PTDSS2: variants seen among roughly 807,000 people sequenced by gnomAD.
The protein encoded by PTDSS2 is PSS-2.
PTDSS2 carries 41 observed loss-of-function variants against 64.7 expected under a neutral mutation model. The ratio of observed to expected loss-of-function variants is 0.63; its 90% CI spans 0.49 to 0.82. The LOEUF is 0.82. Ranked by LOEUF, PTDSS2 falls within the 40% of genes least tolerant of loss-of-function variation. The pLI is 0.00. For missense variants in PTDSS2, 485 were observed against 650.0 expected (o/e 0.75, Z 2.76); for synonymous variants, 297 against 277.8 (o/e 1.07, Z -0.69).
chr11:450,357 C>A lies in PTDSS2; in HGVS notation c.-99C>A. 5.4e-6 allele frequency: 6 copies of A among 1,107,104 alleles called. No individual in the cohort carries two copies. Among genetic ancestry groups the A allele is most frequent in the Non-Finnish European group, 6.8e-6 (6 of 879,638 alleles). 68.6% of individuals were successfully genotyped at this position (1,107,104 alleles called of 1,614,324 possible). ...CCGCGGGCCAGCGCCGCGACCCCTTCCCAGCGCTCCTCGCGCTGTGTGCGG... is the reference window on the plus strand; with the variant it reads ...CCGCGGGCCAGCGCCGCGACCCCTTACCAGCGCTCCTCGCGCTGTGTGCGG... On this transcript the variant is annotated 5_prime_UTR_variant, in exon 1 of 12. Coordinates refer to ENST00000308020, the MANE Select transcript of PTDSS2 (RefSeq NM_030783.3).
chr11:490,130 G>A, intron 11 of PTDSS2, 62 bp downstream of exon 11: 1 of 1,503,864 alleles, frequency 6.6e-7, no homozygotes, highest in African/African-American at 1.4e-5. Context: ...CCTTGGCACA[G>A]GCACTGTGGG....
chr11:464,154 T>C (rs1463550422), intron 2 of PTDSS2, among the ~76,000 whole-genome samples: 1 of 151,994 alleles, frequency 6.6e-6, no homozygotes, highest in Admixed American at 6.6e-5. Flanking sequence ...CACTAATTTT[T>C]TTATATTTTG....
chr11:451,039 C>G (rs1846301038), intron 1 of PTDSS2, among the ~76,000 whole-genome samples: 1 of 152,200 alleles, frequency 6.6e-6, no homozygotes, highest in African/African-American at 2.4e-5. Flanking sequence ...ACCTGTGTCC[C>G]CCGTCATTCT....
intron 2 of PTDSS2, among the ~76,000 whole-genome samples, chr11:471,388 C>T (rs1847421749): frequency 6.6e-6 from 1 of 152,236 alleles, no homozygotes; most frequent in Non-Finnish European, 1.5e-5. Flanking sequence ...AACCACTGTG[C>T]CCGGCAAGTA....
intron 4 of PTDSS2, among the ~76,000 whole-genome samples, chr11:481,083 C>CAA (rs749112324): frequency 5.5e-5 from 6 of 109,372 alleles, no homozygotes; most frequent in East Asian, 5.9e-4. Flanking sequence ...GACTCCGCCT[C>CAA]AAAAAAAAAA....
At position 458,213 on chromosome 11, in the gene PTDSS2, T is replaced by TC. The variant is rs1316288638; in HGVS notation, c.183-1974_183-1973insC. Among the ~76,000 whole-genome samples, 2 of 151,846 alleles carry TC rather than the reference T, an allele frequency of 1.3e-5. 1 individual carries two copies. The highest frequency in any genetic ancestry group is 3.8e-4 in the East Asian group (2 of 5,206). ...CTGGATAAAAAGTATTTTTTTTCTT[T>TC]TTTTTTTTTGAGATTGAGTCTCGCT... On this transcript the variant is annotated intron_variant, in intron 1 of 11. Coordinates refer to ENST00000308020, the MANE Select transcript of PTDSS2 (RefSeq NM_030783.3).
Position 479,331 on chromosome 11 carries a change from T to C in PTDSS2, c.435+179T>C, listed in dbSNP as rs117574342. 1,221 of 655,016 alleles carry C rather than the reference T, an allele frequency of 1.9e-3. 27 individuals are homozygous for C. The East Asian group carries it at 0.024, about 13-fold the overall frequency. The allele number at this position is 655,016 out of a possible 1,614,324, so 40.6% of individuals were successfully genotyped here. ...CAGGAGCATCTGTGCGGCCCTTGAG[T>C]GATGGGGGGCAGCAAAGCTAGACCT... On this transcript the variant is annotated intron_variant, in intron 4 of 11. Coordinates refer to ENST00000308020, the MANE Select transcript of PTDSS2 (RefSeq NM_030783.3). The surrounding 1 kb of genome is among the most constrained non-coding windows in gnomAD (Gnocchi z 4.2).
chr11:449,842 G>C (rs1483079154), upstream of PTDSS2, among the ~76,000 whole-genome samples: 1 of 152,214 alleles, frequency 6.6e-6, no homozygotes, highest in East Asian at 1.9e-4. Flanking sequence ...AGCTACTCGG[G>C]AAGCTTGAGA....
chr11:463,995 C>CA (rs1847028025), intron 2 of PTDSS2: 1 of 143,064 alleles, frequency 7.0e-6, no homozygotes, highest in Non-Finnish European at 1.5e-5. Flanking sequence ...TTTTTTTTTT[C>CA]TTTTTTTGGA....
At chr11:467,437 T>C (rs1338276216) in intron 2 of PTDSS2, among the ~76,000 whole-genome samples, 1 of 152,200 alleles carries the variant, frequency 6.6e-6, no homozygotes, top group Non-Finnish European at 1.5e-5. Flanking sequence ...GAAGACAGTT[T>C]CACAGACTCT....
At chr11:474,397 G>A (rs1847623903) in intron 3 of PTDSS2, among the ~76,000 whole-genome samples, 1 of 146,930 alleles carries the variant, frequency 6.8e-6, no homozygotes. Flanking sequence ...GCGGGGGTGG[G>A]TGAGGGCGCC....
chr11:465,227 G>A (rs1847089394), intron 2 of PTDSS2, among the ~76,000 whole-genome samples: 1 of 152,232 alleles, frequency 6.6e-6, no homozygotes, highest in South Asian at 2.1e-4. Context: ...GTCTTGCTCT[G>A]TCACCCACAC....
At chr11:468,215 G>A (rs1378569570) in intron 2 of PTDSS2, among the ~76,000 whole-genome samples, 3 of 152,232 alleles carry the variant, frequency 2.0e-5, no homozygotes, top group African/African-American at 7.2e-5. Flanking sequence ...TAAGTGAGAG[G>A]AGCCAGTTGA....
chr11:490,573 T>C lies in PTDSS2; in HGVS notation c.1455T>C (p.Thr485=), dbSNP rs1417397918. 6.3e-7 allele frequency: 1 copy of C among 1,596,290 alleles called. No individual in the cohort carries two copies. The highest frequency in any genetic ancestry group is 8.5e-7 in the Non-Finnish European group (1 of 1,172,258). The part of the protein sequence containing the change: ...PGVAEGEGAP[T]PN Reference sequence around the variant, plus strand: ...TGGCCGAGGGCGAGGGAGCACCAACTCCAAACTGACCTGGGCCGTGGCTGC... The same window carrying C: ...TGGCCGAGGGCGAGGGAGCACCAACCCCAAACTGACCTGGGCCGTGGCTGC... Residue 485 remains threonine, a synonymous_variant, in exon 12 of 12, where the codon ACT becomes ACC. Coordinates refer to ENST00000308020, the MANE Select transcript of PTDSS2 (RefSeq NM_030783.3).
At chr11:452,243 C>T (rs1267467546) in intron 1 of PTDSS2, among the ~76,000 whole-genome samples, 1 of 152,266 alleles carries the variant, frequency 6.6e-6, no homozygotes, top group Non-Finnish European at 1.5e-5. Context: ...GTGGGGACCC[C>T]TACTGCCTGT....
intron 2 of PTDSS2, chr11:463,061 G>GGA (rs1191700205): frequency 6.6e-6 from 1 of 151,638 alleles, no homozygotes; most frequent in African/African-American, 2.4e-5. Context: ...CAGCTACTCG[G>GGA]GAGGCTGAGG....
rs1846946543 is a variant in PTDSS2, at chr11:462,705, G to GCAGC, written c.284+2420_284+2423dup. On this transcript the variant is annotated intron_variant, in intron 2 of 11. Transcript: ENST00000308020. The surrounding 1 kb of genome is among the most constrained non-coding windows in gnomAD (Gnocchi z 4.5). ...TGCACACCAGAAGCCCAGCTCCTGG[G>GCAGC]CAGCCACCCTACCTGCCCCTACGCA... is the stretch of plus-strand genomic sequence containing the variant. 1.3e-5 allele frequency among the ~76,000 whole-genome samples: 2 copies of GCAGC among 152,192 alleles called. No homozygotes were observed. Among genetic ancestry groups the GCAGC allele is most frequent in the Non-Finnish European group, 2.9e-5 (2 of 68,012 alleles).
In PTDSS2 at chr11:460,160, C is replaced by G; in HGVS notation, c.183-27C>G. 2 of 1,586,534 alleles carry G rather than the reference C, an allele frequency of 1.3e-6. No individual in the cohort carries two copies. Among genetic ancestry groups the G allele is most frequent in the Non-Finnish European group, 1.7e-6 (2 of 1,154,912 alleles). On this transcript the variant is annotated intron_variant, in intron 1 of 11. Coordinates refer to ENST00000308020, the MANE Select transcript of PTDSS2 (RefSeq NM_030783.3). This position sits in a 1 kb window ranked among gnomAD's most constrained non-coding sequence, Gnocchi z 5.8. ...TAGCAATGCTGCCCAAGCTCTGACA[C>G]CATGCTTATGCGTTTTTGGATTTCA...
rs181139844 is a variant in PTDSS2 at position 467,703 on chromosome 11, A to T, written c.285-6192A>T. ...AGCCGAGATCGCAACATTGCACTCCAGCCCGGGCAACAGTGCGAGACTCTG... is the reference window on the plus strand; with the variant it reads ...AGCCGAGATCGCAACATTGCACTCCTGCCCGGGCAACAGTGCGAGACTCTG... On this transcript the variant is annotated intron_variant, in intron 2 of 11. Coordinates refer to ENST00000308020, the MANE Select transcript of PTDSS2 (RefSeq NM_030783.3). Among the ~76,000 whole-genome samples the T allele has an allele frequency of 5.9e-5, 9 of 152,320 alleles. No homozygotes were observed. In the East Asian group the frequency reaches 1.7e-3, roughly 29 times the overall value.
Sources: allele counts gnomAD v4.1 joint callset (sites outside exome capture counted in the v4.1 genomes callset), GRCh38; gene constraint gnomAD v4.1.1; non-coding constraint Gnocchi (gnomAD v3.1); transcripts MANE v1.5; gene names NCBI Gene and HGNC (gene_info 2026-07-23, HGNC 2026-07-21).